Variants in NOMO1 observed in about 807,000 individuals in gnomAD.
NOMO1 encodes the protein NODAL modulator 1.
In NOMO1, 40 loss-of-function variants were observed where a neutral mutation model predicts 133.8. The observed-to-expected ratio is 0.30, with a 90% CI of 0.23 to 0.39. The LOEUF (loss-of-function observed/expected upper bound fraction) is 0.39, where lower values mean the gene tolerates loss of function less well. Among genes scored for constraint, NOMO1 ranks in the 10% least tolerant of loss-of-function variants. The pLI is 1.00. For missense variants in NOMO1, 462 were observed against 1,419.9 expected, an observed-to-expected ratio of 0.33 and a Z score of 10.84; for synonymous variants, 236 against 570.5, an observed-to-expected ratio of 0.41 and a Z score of 8.36.
rs543945809 is a variant in NOMO1 at position 14,894,391 on chromosome 16, C to G, written c.3445-607C>G. ...CTGTACCATTGGCCAAAATTTAGTT[C>G]CAGGGCTGCGCCTGCTGCAGGGGAG... On this transcript the variant is annotated intron_variant, in intron 29 of 30. Coordinates refer to ENST00000287667, the MANE Select transcript of NOMO1 (RefSeq NM_014287.4). 6.1e-4 allele frequency among the ~76,000 whole-genome samples: 93 copies of G among 152,194 alleles called. 1 individual carries two copies. The East Asian group carries it at 0.017, about 28-fold the overall frequency.
At chr16:14,849,987 G>C (rs1963733924) in intron 6 of NOMO1, among the ~76,000 whole-genome samples, 1 of 148,814 alleles carries the variant, frequency 6.7e-6, no homozygotes, top group Middle Eastern at 3.4e-3. Context: ...GCAGCCTCTG[G>C]TTCCTGGCCT....
intron 29 of NOMO1, 80 bp from the exon 30 acceptor site, chr16:14,894,918 T>C (rs1439382239): frequency 6.2e-7 from 1 of 1,609,588 alleles, no homozygotes; most frequent in Middle Eastern, 2.2e-4. Flanking sequence ...GAAGGCTGGG[T>C]GGGTGGTGGC....
intron 6 of NOMO1, among the ~76,000 whole-genome samples, chr16:14,850,976 C>T (rs1192837065): frequency 2.0e-5 from 3 of 146,952 alleles, no homozygotes; most frequent in East Asian, 2.0e-4. Context: ...CCCAGCTACT[C>T]GGGAGGCTGA....
chr16:14,835,352 T>G (rs1016919268), intron 1 of NOMO1, among the ~76,000 whole-genome samples: 3 of 151,298 alleles, frequency 2.0e-5, no homozygotes, highest in African/African-American at 7.4e-5. Context: ...TGTTTCTGGG[T>G]GCCCATGCCA....
rs1445170168 is a variant in NOMO1, at chr16:14,866,589, C to G, written c.1704C>G (p.Asn568Lys). Reference protein sequence around the residue: ...SIMHEDWCWKNKSLEVEVLED... With the variant: ...SIMHEDWCWKKKSLEVEVLED... ...TGCATGAGGATTGGTGCTGGAAGAACAAGAGCCTGGAGGTGGAAGTGCTGG... is the reference window on the plus strand; with the variant it reads ...TGCATGAGGATTGGTGCTGGAAGAAGAAGAGCCTGGAGGTGGAAGTGCTGG... Residue 568 changes from asparagine to lysine, a missense_variant, in exon 15 of 31, where the codon AAC (asparagine) becomes AAG (lysine). Coordinates refer to ENST00000287667, the MANE Select transcript of NOMO1 (RefSeq NM_014287.4). 6.2e-7 allele frequency: 1 copy of G among 1,610,042 alleles called. No individual in the cohort carries two copies. The highest frequency in any genetic ancestry group is 8.5e-7 in the Non-Finnish European group (1 of 1,179,756).
chr16:14,881,264 A>G (rs967327371), intron 24 of NOMO1, among the ~76,000 whole-genome samples: 1 of 151,996 alleles, frequency 6.6e-6, no homozygotes, highest in Non-Finnish European at 1.5e-5. Flanking sequence ...CATTATTTCA[A>G]ATAAAGCCTA....
intron 28 of NOMO1, among the ~76,000 whole-genome samples, chr16:14,887,878 TTCTC>T (rs1434724736): frequency 4.6e-5 from 7 of 151,394 alleles, no homozygotes; most frequent in African/African-American, 1.7e-4. Flanking sequence ...GCTTTGAACG[TTCTC>T]TCTGTCTTTG....
At chr16:14,875,539 T>A (rs571686243) in intron 20 of NOMO1, 117 bp downstream of exon 20, 1 of 794,790 alleles carries the variant, frequency 1.3e-6, no homozygotes, top group African/African-American at 1.7e-5. Flanking sequence ...CCACCTTACA[T>A]CCTCTCTGGC....
intron 11 of NOMO1, among the ~76,000 whole-genome samples, chr16:14,859,523 A>G (rs1963891024): frequency 6.6e-6 from 1 of 151,960 alleles, no homozygotes; most frequent in Non-Finnish European, 1.5e-5. Context: ...AGACAAATAC[A>G]TCTGTGGCCA....
intron 24 of NOMO1, 52 bp from the exon 25 acceptor site, chr16:14,881,491 TC>T: frequency 1.9e-6 from 3 of 1,599,110 alleles, no homozygotes; most frequent in Non-Finnish European, 2.6e-6. Context: ...AACACTTGGG[TC>T]CTTCAGATAA....
In NOMO1 at chr16:14,833,796, G is replaced by T. The variant is rs1236729676; in HGVS notation, c.-56G>T. On this transcript the variant is annotated 5_prime_UTR_variant, in exon 1 of 31. Transcript: ENST00000287667. ...AGGAGGAAGGAGCCTGCGGCGTGCA[G>T]TGTGAGGGGCGGGACCCGGCTGCCG... 4.7e-6 allele frequency: 2 copies of T among 427,202 alleles called. No individual in the cohort carries two copies. Among genetic ancestry groups the T allele is most frequent in the African/African-American group, 4.3e-5 (2 of 46,342 alleles). 26.5% of individuals were successfully genotyped at this position (427,202 alleles called of 1,614,324 possible). A position where few individuals can be genotyped will look rare whatever the true frequency, so the allele number is the denominator to read the frequency against.
At chr16:14,889,002 G>C in intron 28 of NOMO1, 94 bp from the exon 29 acceptor site, 1 of 1,581,404 alleles carries the variant, frequency 6.3e-7, no homozygotes, top group African/African-American at 1.4e-5. Context: ...AAAACATAAA[G>C]TTCTTTACAT....
chr16:14,838,243 G>A (rs1302489777), intron 1 of NOMO1, among the ~76,000 whole-genome samples, 164 bp from the exon 2 acceptor site: 2 of 151,970 alleles, frequency 1.3e-5, no homozygotes, highest in Non-Finnish European at 2.9e-5. Flanking sequence ...ATTTGGGAGA[G>A]AGTTTGTTGA....
chr16:14,889,638 T>C (rs1292309521), intron 29 of NOMO1, among the ~76,000 whole-genome samples: 1 of 151,828 alleles, frequency 6.6e-6, no homozygotes, highest in Admixed American at 6.6e-5. Flanking sequence ...AGGGCAGATA[T>C]TTAAAGGGCT....
At chr16:14,855,809 C>T (rs1287181241) in intron 9 of NOMO1, among the ~76,000 whole-genome samples, 1 of 151,934 alleles carries the variant, frequency 6.6e-6, no homozygotes, top group East Asian at 1.9e-4. Flanking sequence ...TACTGTTTTC[C>T]TAACGTGTGA....
chr16:14,868,731 G>T (rs1363944911), intron 16 of NOMO1, 96 bp downstream of exon 16: 1 of 758,516 alleles, frequency 1.3e-6, no homozygotes, highest in Admixed American at 2.2e-5. Flanking sequence ...AGTTCTGTTT[G>T]CATCAAGCTT....
At chr16:14,850,415 G>A (rs1213390799) in intron 6 of NOMO1, among the ~76,000 whole-genome samples, 2 of 151,472 alleles carry the variant, frequency 1.3e-5, no homozygotes, top group African/African-American at 4.9e-5. Context: ...TTCTTTAGCT[G>A]GTTAGAAGGT....
Position 14,850,675 on chromosome 16 carries a change from C to A in NOMO1, c.582+1704C>A, listed in dbSNP as rs552000134. ...TCTATCTGTTTTATTATTATTTTTACTCTGTAGGTTTTACGCACTTATAAT... is the reference window on the plus strand; with the variant it reads ...TCTATCTGTTTTATTATTATTTTTAATCTGTAGGTTTTACGCACTTATAAT... On this transcript the variant is annotated intron_variant, in intron 6 of 30. Transcript: ENST00000287667. 4.5e-4 allele frequency among the ~76,000 whole-genome samples: 69 copies of A among 151,742 alleles called. 1 individual carries two copies. The highest frequency in any genetic ancestry group is 1.6e-3 in the African/African-American group (66 of 41,206).
Position 14,876,381 on chromosome 16 carries a change from C to A in NOMO1, c.2379C>A (p.Ile793=). 6.2e-7 allele frequency: 1 copy of A among 1,611,230 alleles called. No individual in the cohort carries two copies. The part of the protein sequence containing the change: ...VSGESCPGKL[I]EIHGKAGLFL... ...TAGAAAGCTGCCCAGGGAAGCTGATCGAGATCCATGGGAAGGCAGGCCTGT... is the reference window on the plus strand; with the variant it reads ...TAGAAAGCTGCCCAGGGAAGCTGATAGAGATCCATGGGAAGGCAGGCCTGT... Residue 793 remains isoleucine, a synonymous_variant, in exon 21 of 31, where the codon ATC becomes ATA. Transcript: ENST00000287667.
Sources: allele counts gnomAD v4.1 joint callset (sites outside exome capture counted in the v4.1 genomes callset), GRCh38; gene constraint gnomAD v4.1.1; transcripts MANE v1.5; gene names NCBI Gene and HGNC (gene_info 2026-07-23, HGNC 2026-07-21).